The following PIK3CA variants were observed in gnomAD, a reference collection of about 807,000 sequenced individuals.
The protein encoded by PIK3CA is phosphatidylinositol 4,5-bisphosphate 3-kinase catalytic subunit alpha isoform.
PIK3CA carries 27 observed loss-of-function variants against 138.2 expected under a neutral mutation model. The observed-to-expected ratio is 0.20, with a 90% CI of 0.14 to 0.27. PIK3CA has a LOEUF of 0.27. PIK3CA is among the 10% of genes least tolerant of loss of function. PIK3CA has a pLI of 1.00. For synonymous variants in PIK3CA, 358 were observed against 413.2 expected (o/e 0.87, Z 1.62); for missense variants, 544 against 1,277.4 (o/e 0.43, Z 8.75).
chr3:179,168,240 T>A (rs1192820640), intron 1 of PIK3CA, among the ~76,000 whole-genome samples: 1 of 152,216 alleles, frequency 6.6e-6, no homozygotes, highest in Non-Finnish European at 1.5e-5. Flanking sequence ...GAAAACTAAT[T>A]GTCTGAAAAG....
intron 1 of PIK3CA, among the ~76,000 whole-genome samples, chr3:179,163,406 A>C (rs536081825): frequency 1.3e-5 from 2 of 152,168 alleles, no homozygotes; most frequent in Non-Finnish European, 2.9e-5. Flanking sequence ...CTCTAGTCCA[A>C]GCTACTCAGG....
intron 16 of PIK3CA, among the ~76,000 whole-genome samples, 172 bp downstream of exon 16, chr3:179,224,993 A>G (rs1336466080): frequency 6.6e-6 from 1 of 152,204 alleles, no homozygotes; most frequent in South Asian, 2.1e-4. Flanking sequence ...TGTATAATCA[A>G]TGAAAAGAAA....
In PIK3CA at chr3:179,209,682, C is replaced by T. The variant is rs778934157; in HGVS notation, c.1233C>T (p.Gly411=). 1 of 1,606,480 alleles carries T rather than the reference C, an allele frequency of 6.2e-7. No homozygotes were observed. Among genetic ancestry groups the T allele is most frequent in the Non-Finnish European group, 8.5e-7 (1 of 1,174,322 alleles). The change falls in exon 7 of 21, where the codon GGC becomes GGT. Residue 411 remains glycine (G), a synonymous_variant. Coordinates refer to ENST00000263967, the MANE Select transcript of PIK3CA (RefSeq NM_006218.4). ...RLCLSICSVK[G]RKGAKEEHCP... ...GCCTTTCCATTTGCTCTGTTAAAGG[C>T]CGAAAGGGTGCTAAAGAGGTAAAGT...
At chr3:179,202,003 A>G (rs2108390957) in intron 4 of PIK3CA, among the ~76,000 whole-genome samples, 1 of 152,308 alleles carries the variant, frequency 6.6e-6, no homozygotes, top group African/African-American at 2.4e-5. Flanking sequence ...CGAGAGGCTG[A>G]AAATGTTGGC....
intron 1 of PIK3CA, among the ~76,000 whole-genome samples, chr3:179,164,081 T>A (rs1723353180): frequency 6.6e-6 from 1 of 152,080 alleles, no homozygotes; most frequent in African/African-American, 2.4e-5. Flanking sequence ...TTATGAAGAG[T>A]TTACAATAAT....
chr3:179,182,625 C>T (rs565388532), intron 1 of PIK3CA, among the ~76,000 whole-genome samples: 139 of 152,018 alleles, frequency 9.1e-4, no homozygotes, highest in East Asian at 1.2e-3. Flanking sequence ...GAGCCGTGTT[C>T]GTAGCACTGT....
At position 179,219,517 on chromosome 3, in the gene PIK3CA, AT is replaced by A. The variant is rs1455261571; in HGVS notation, c.1747-52del. The A allele has an allele frequency of 1.2e-6, 1 of 848,838 alleles. No individual in the cohort carries two copies. The highest frequency in any genetic ancestry group is 1.7e-5 in the African/African-American group (1 of 58,446). The allele number at this position is 848,838 out of a possible 1,614,324, so 52.6% of individuals were successfully genotyped here. A position where few individuals can be genotyped will look rare whatever the true frequency, so the allele number is the denominator to read the frequency against. ...GTTAAGGCAGTGTTTTAGATGGCTC[AT>A]TCACAACTATCTTTCCCCTTTAAAT... is the stretch of plus-strand genomic sequence containing the variant. On this transcript the variant is annotated intron_variant, in intron 11 of 20. Coordinates refer to ENST00000263967, the MANE Select transcript of PIK3CA (RefSeq NM_006218.4). The surrounding 1 kb of genome is among the most constrained non-coding windows in gnomAD (Gnocchi z 4.2).
chr3:179,173,404 C>CAAAAAAAAAAA (rs749831764), intron 1 of PIK3CA, among the ~76,000 whole-genome samples: 48 of 42,936 alleles, frequency 1.1e-3, no homozygotes, highest in African/African-American at 2.0e-3. Flanking sequence ...GCTAAAAATA[C>CAAAAAAAAAAA]AAAAAAAAAA....
Position 179,235,314 on chromosome 3 carries a change from A to G in PIK3CA, c.*950A>G, listed in dbSNP as rs1725312677. The G allele has an allele frequency of 5.6e-6, 1 of 178,468 alleles. No individual in the cohort carries two copies. The highest frequency in any genetic ancestry group is 9.4e-5 in the East Asian group (1 of 10,628). The allele number at this position is 178,468 out of a possible 1,614,324, so 11.1% of individuals were successfully genotyped here. A position where few individuals can be genotyped will look rare whatever the true frequency, so the allele number is the denominator to read the frequency against. ...TTATTTTTTTTATTAAAGGCTATTT[A>G]TATTATAGAAACTATCATTAATATA... is the stretch of plus-strand genomic sequence containing the variant. On this transcript the variant is annotated 3_prime_UTR_variant, in exon 21 of 21. Transcript: ENST00000263967.
intron 9 of PIK3CA, among the ~76,000 whole-genome samples, chr3:179,217,855 T>G (rs1484078888): frequency 1.3e-5 from 2 of 152,108 alleles, no homozygotes; most frequent in Non-Finnish European, 2.9e-5. Flanking sequence ...ATCAAAAACA[T>G]TCACAGATAA....
At chr3:179,208,033 C>T (rs138285956) in intron 6 of PIK3CA, among the ~76,000 whole-genome samples, 8 of 152,124 alleles carry the variant, frequency 5.3e-5, no homozygotes, top group Non-Finnish European at 8.8e-5. Context: ...TGCACTTCAG[C>T]CTGGGCACAT....
chr3:179,162,236 C>G (rs1170403849), intron 1 of PIK3CA, among the ~76,000 whole-genome samples: 4 of 151,960 alleles, frequency 2.6e-5, no homozygotes, highest in African/African-American at 9.7e-5. Flanking sequence ...AATACACATG[C>G]ACAGATGATA....
chr3:179,149,501 A>G (rs914032101), intron 1 of PIK3CA: 6 of 152,206 alleles, frequency 3.9e-5, no homozygotes, highest in African/African-American at 1.2e-4. Context: ...GACTGTTTAC[A>G]TGGTTAAATA....
At chr3:179,160,957 A>G (rs1413919319) in intron 1 of PIK3CA, among the ~76,000 whole-genome samples, 1 of 139,024 alleles carries the variant, frequency 7.2e-6, no homozygotes, top group African/African-American at 2.9e-5. Context: ...GTTACATAGT[A>G]GGCAAATTAC....
intron 14 of PIK3CA, 80 bp from the exon 15 acceptor site, chr3:179,224,001 A>C: frequency 1.3e-6 from 1 of 769,956 alleles, no homozygotes; most frequent in Non-Finnish European, 2.3e-6. Context: ...TGAGGTTCTC[A>C]TGTGAGAAAG....
At chr3:179,200,678 A>G (rs542200853) in intron 3 of PIK3CA, among the ~76,000 whole-genome samples, 9 of 152,294 alleles carry the variant, frequency 5.9e-5, no homozygotes, top group Admixed American at 5.9e-4. Context: ...AAAATTTTCA[A>G]CATATAGACA....
chr3:179,161,712 TAAAG>T (rs933935513), intron 1 of PIK3CA, among the ~76,000 whole-genome samples: 10 of 152,032 alleles, frequency 6.6e-5, no homozygotes, highest in Non-Finnish European at 1.0e-4. Flanking sequence ...GTGATAATAA[TAAAG>T]AGATAACAGA....
intron 1 of PIK3CA, among the ~76,000 whole-genome samples, chr3:179,158,623 G>C (rs1338119506): frequency 6.6e-6 from 1 of 151,894 alleles, no homozygotes; most frequent in African/African-American, 2.4e-5. Flanking sequence ...CATTCTACTT[G>C]CTATGAAGTC....
At chr3:179,189,231 A>C (rs1047490730) in intron 1 of PIK3CA, among the ~76,000 whole-genome samples, 4 of 152,132 alleles carry the variant, frequency 2.6e-5, no homozygotes, top group Non-Finnish European at 2.9e-5. Flanking sequence ...AAGTAAAAAT[A>C]AAAAAATAAA....
Sources: allele counts gnomAD v4.1 joint callset (sites outside exome capture counted in the v4.1 genomes callset), GRCh38; gene constraint gnomAD v4.1.1; non-coding constraint Gnocchi (gnomAD v3.1); transcripts MANE v1.5; gene names NCBI Gene and HGNC (gene_info 2026-07-23, HGNC 2026-07-21).